MTA1: variants seen among roughly 807,000 people sequenced by gnomAD.
The protein encoded by MTA1 is metastasis-associated protein MTA1.
MTA1 carries 15 observed loss-of-function variants against 97.0 expected under a neutral mutation model. The ratio of observed to expected loss-of-function variants is 0.15; its 90% CI spans 0.10 to 0.24. The LOEUF (loss-of-function observed/expected upper bound fraction) is 0.24, where lower values mean the gene tolerates loss of function less well. Ranked by LOEUF, MTA1 falls within the 10% of genes least tolerant of loss-of-function variation. The pLI, the probability that MTA1 is intolerant of heterozygous loss-of-function variation, is 1.00. For synonymous variants in MTA1, 435 were observed against 417.5 expected, an observed-to-expected ratio of 1.04 and a Z score of -0.51; for missense variants, 709 against 1,015.1, an observed-to-expected ratio of 0.70 and a Z score of 4.10.
chr14:105,421,991 T>C (rs587610620), intron 1 of MTA1, among the ~76,000 whole-genome samples: 2 of 152,312 alleles, frequency 1.3e-5, no homozygotes, highest in Non-Finnish European at 1.5e-5. Flanking sequence ...GCTGGTCTCT[T>C]TTCCTGTGAT....
intron 17 of MTA1, 54 bp from the exon 18 acceptor site, chr14:105,466,653 G>A (rs1388350577): frequency 2.1e-5 from 33 of 1,595,980 alleles, no homozygotes; most frequent in East Asian, 6.8e-5. Context: ...CCGGGCACCC[G>A]CCGTGCGTGC....
rs1166858456 is a variant in MTA1, at chr14:105,424,926, C to A, written c.28+4863C>A. Among the ~76,000 whole-genome samples the A allele has an allele frequency of 6.6e-6, 1 of 152,252 alleles. No homozygotes were observed. The highest frequency in any genetic ancestry group is 2.4e-5 in the African/African-American group (1 of 41,472). On this transcript the variant is annotated intron_variant, in intron 1 of 20. Coordinates refer to ENST00000331320, the MANE Select transcript of MTA1 (RefSeq NM_004689.4). This position sits in a 1 kb window ranked among gnomAD's most constrained non-coding sequence, Gnocchi z 4.0. The stretch of plus-strand genomic sequence containing the variant: ...TCGCGCCCGACCCGCCCTGGCAGTG[C>A]CGTTCCCGCCCGTGTGTGTGGGTTC...
chr14:105,425,670 C>T (rs1271470302), intron 1 of MTA1, among the ~76,000 whole-genome samples: 1 of 150,886 alleles, frequency 6.6e-6, no homozygotes, highest in African/African-American at 2.4e-5. Flanking sequence ...GTCTCCACCC[C>T]CACCCCCACC....
intron 4 of MTA1, 73 bp from the exon 5 acceptor site, chr14:105,449,985 G>A: frequency 6.3e-7 from 1 of 1,599,632 alleles, no homozygotes; most frequent in Non-Finnish European, 8.5e-7. Flanking sequence ...GCGCCAGGTG[G>A]GGCTGGTGGG....
intron 1 of MTA1, among the ~76,000 whole-genome samples, chr14:105,433,117 T>C (rs1243325769): frequency 6.6e-6 from 1 of 152,052 alleles, no homozygotes; most frequent in Non-Finnish European, 1.5e-5. Flanking sequence ...GGACGCAGAC[T>C]CAAATCAGCA....
chr14:105,439,525 C>T (rs587671424), intron 2 of MTA1, among the ~76,000 whole-genome samples: 7 of 152,298 alleles, frequency 4.6e-5, no homozygotes, highest in African/African-American at 1.4e-4. Flanking sequence ...GTAGGGCGCC[C>T]GCACACCCTG....
At chr14:105,437,927 GCTCT>G (rs1460965333) in intron 1 of MTA1, among the ~76,000 whole-genome samples, 1 of 152,254 alleles carries the variant, frequency 6.6e-6, no homozygotes, top group Non-Finnish European at 1.5e-5. Flanking sequence ...AGGTTCCGTG[GCTCT>G]CTGTCTGTGG....
At chr14:105,453,436 G>T (rs2083021255) in intron 6 of MTA1, among the ~76,000 whole-genome samples, 1 of 152,274 alleles carries the variant, frequency 6.6e-6, no homozygotes, top group Non-Finnish European at 1.5e-5. Flanking sequence ...CTTGAACCCA[G>T]GAGGCGGAGG....
At chr14:105,452,216 G>A (rs1354819989) in intron 6 of MTA1, among the ~76,000 whole-genome samples, 5 of 152,212 alleles carry the variant, frequency 3.3e-5, no homozygotes, top group African/African-American at 9.7e-5. Context: ...CTGGGCGATC[G>A]TGCCCCTGCC....
Position 105,470,575 on chromosome 14 carries a change from ATGAACT to A in MTA1, c.*364_*369del. 4.7e-6 allele frequency: 1 copy of A among 211,994 alleles called. No homozygotes were observed. The highest frequency in any genetic ancestry group is 9.2e-6 in the Non-Finnish European group (1 of 108,784). The allele number at this position is 211,994 out of a possible 1,614,324, so 13.1% of individuals were successfully genotyped here. ...TTTATTTTTATTACTTTTTTTGTAG[ATGAACT>A]TGAGCTCTGTAACTTACACCTGGAA... On this transcript the variant is annotated 3_prime_UTR_variant, in exon 21 of 21. Coordinates refer to ENST00000331320, the MANE Select transcript of MTA1 (RefSeq NM_004689.4).
At chr14:105,454,467 C>T (rs1343160862) in intron 7 of MTA1, among the ~76,000 whole-genome samples, 157 bp downstream of exon 7, 4 of 152,130 alleles carry the variant, frequency 2.6e-5, no homozygotes, top group East Asian at 1.9e-4. Context: ...ATGGGTGATG[C>T]GTGTAGGCTG....
At chr14:105,469,569 C>T in intron 19 of MTA1, 71 bp downstream of exon 19, 1 of 1,547,988 alleles carries the variant, frequency 6.5e-7, no homozygotes, top group Non-Finnish European at 8.9e-7. Flanking sequence ...GGGAAGAGGC[C>T]TGGCCAGCCC....
chr14:105,470,437 T>C lies in MTA1; in HGVS notation c.*222T>C. On this transcript the variant is annotated 3_prime_UTR_variant, in exon 21 of 21. Coordinates refer to ENST00000331320, the MANE Select transcript of MTA1 (RefSeq NM_004689.4). ...GTCGTTTTTAGCTTTGTGTTTACTTTTTGGCTGGAGCGGAGATGAGGGGCC... is the reference window on the plus strand; with the variant it reads ...GTCGTTTTTAGCTTTGTGTTTACTTCTTGGCTGGAGCGGAGATGAGGGGCC... 1 of 483,862 alleles carries C rather than the reference T, an allele frequency of 2.1e-6. No individual in the cohort carries two copies. Among genetic ancestry groups the C allele is most frequent in the Non-Finnish European group, 3.5e-6 (1 of 283,736 alleles). The allele number at this position is 483,862 out of a possible 1,614,324, so 30.0% of individuals were successfully genotyped here. A position where few individuals can be genotyped will look rare whatever the true frequency, so the allele number is the denominator to read the frequency against.
chr14:105,454,158 G>A (rs782568661), intron 6 of MTA1, 35 bp from the exon 7 acceptor site: 2 of 1,535,234 alleles, frequency 1.3e-6, no homozygotes, highest in Middle Eastern at 1.7e-4. Flanking sequence ...GCCTGACTGT[G>A]CTGACGCCTC....
At chr14:105,440,529 G>C (rs915832209) in intron 2 of MTA1, among the ~76,000 whole-genome samples, 5 of 152,264 alleles carry the variant, frequency 3.3e-5, no homozygotes, top group Non-Finnish European at 7.3e-5. Flanking sequence ...TCCATGTGCA[G>C]ACAGTAGATT....
At chr14:105,430,814 A>G (rs1318753069) in intron 1 of MTA1, among the ~76,000 whole-genome samples, 1 of 152,240 alleles carries the variant, frequency 6.6e-6, no homozygotes, top group African/African-American at 2.4e-5. Flanking sequence ...TCAAAGGCAG[A>G]AAACTTCATG....
intron 2 of MTA1, 26 bp downstream of exon 2, chr14:105,438,765 CA>C (rs2082405626): frequency 1.2e-6 from 2 of 1,610,684 alleles, no homozygotes; most frequent in Non-Finnish European, 1.7e-6. Context: ...GGTGTTGCTG[CA>C]GGGGGGTAGT....
Position 105,463,095 on chromosome 14 carries a change from G to A in MTA1, c.943-89G>A. The A allele has an allele frequency of 7.6e-7, 1 of 1,315,866 alleles. No homozygotes were observed. The highest frequency in any genetic ancestry group is 1.2e-5 in the South Asian group (1 of 80,306). The allele number at this position is 1,315,866 out of a possible 1,614,324, so 81.5% of individuals were successfully genotyped here. A position where few individuals can be genotyped will look rare whatever the true frequency, so the allele number is the denominator to read the frequency against. On this transcript the variant is annotated intron_variant, in intron 10 of 20. Transcript: ENST00000331320. The surrounding 1 kb of genome is among the most constrained non-coding windows in gnomAD (Gnocchi z 5.9). ...CCCTCTGGCCTCCCGCCCCCTCTGTGGCCTTCTGGCCGCAGCCCTGCCCCT... is the reference window on the plus strand; with the variant it reads ...CCCTCTGGCCTCCCGCCCCCTCTGTAGCCTTCTGGCCGCAGCCCTGCCCCT...
In MTA1 at chr14:105,420,035, C is replaced by A; in HGVS notation, c.-1C>A. On this transcript the variant is annotated 5_prime_UTR_variant, in exon 1 of 21. Transcript: ENST00000331320. This position sits in a 1 kb window ranked among gnomAD's most constrained non-coding sequence, Gnocchi z 5.3. ...GCCCCTCCGCCGCCGCCGGCCCGGA[C>A]ATGGCCGCCAACATGTACAGGGTCG... 1 of 1,087,448 alleles carries A rather than the reference C, an allele frequency of 9.2e-7. No individual in the cohort carries two copies. Among genetic ancestry groups the A allele is most frequent in the Non-Finnish European group, 1.1e-6 (1 of 887,152 alleles). The allele number at this position is 1,087,448 out of a possible 1,614,324, so 67.4% of individuals were successfully genotyped here. A position where few individuals can be genotyped will look rare whatever the true frequency, so the allele number is the denominator to read the frequency against.
Sources: allele counts gnomAD v4.1 joint callset (sites outside exome capture counted in the v4.1 genomes callset), GRCh38; gene constraint gnomAD v4.1.1; non-coding constraint Gnocchi (gnomAD v3.1); transcripts MANE v1.5; gene names NCBI Gene and HGNC (gene_info 2026-07-23, HGNC 2026-07-21).